The following PTPRM variants were observed in gnomAD, a reference collection of about 807,000 sequenced individuals.
PTPRM encodes protein tyrosine phosphatase receptor type M, also known as receptor-type tyrosine-protein phosphatase mu.
PTPRM carries 47 observed loss-of-function variants against 186.7 expected under a neutral mutation model. That is an observed-to-expected ratio of 0.25 (90% CI 0.20 to 0.32). The LOEUF (loss-of-function observed/expected upper bound fraction) is 0.32, where lower values mean the gene tolerates loss of function less well. Ranked by LOEUF, PTPRM falls within the 10% of genes least tolerant of loss-of-function variation. The pLI, the probability that PTPRM is intolerant of heterozygous loss-of-function variation, is 1.00. For missense variants in PTPRM, 1,494 were observed against 1,865.0 expected, an observed-to-expected ratio of 0.80 and a Z score of 3.66; for synonymous variants, 668 against 674.9, an observed-to-expected ratio of 0.99 and a Z score of 0.16.
chr18:8,256,011 C>T (rs1285757603), intron 19 of PTPRM, among the ~76,000 whole-genome samples: 1 of 152,216 alleles, frequency 6.6e-6, no homozygotes, highest in African/African-American at 2.4e-5. Context: ...CCCACTTTCT[C>T]TAACCCCAGG....
At chr18:8,344,434 G>T (rs1412434334) in intron 23 of PTPRM, among the ~76,000 whole-genome samples, 8 of 81,182 alleles carry the variant, frequency 9.9e-5, no homozygotes, top group Non-Finnish European at 1.8e-4. Context: ...ATATATATGT[G>T]TGTGTGTGTG....
At chr18:8,247,799 GTAT>G (rs760860097) in intron 15 of PTPRM, 43 bp from the exon 16 acceptor site, 2 of 1,405,828 alleles carry the variant, frequency 1.4e-6, no homozygotes, top group South Asian at 1.2e-5. Context: ...TGTTCAGAGT[GTAT>G]TACCTCTCTG....
At chr18:8,094,778 G>A (rs752345264) in intron 11 of PTPRM, among the ~76,000 whole-genome samples, 11 of 152,076 alleles carry the variant, frequency 7.2e-5, no homozygotes, top group Admixed American at 1.3e-4. Context: ...TTTGGCAAAT[G>A]TTAAGGAGGA....
chr18:8,099,159 T>TCTC (rs879773463), intron 11 of PTPRM, among the ~76,000 whole-genome samples: 45 of 149,564 alleles, frequency 3.0e-4, no homozygotes, highest in African/African-American at 6.4e-4. Flanking sequence ...CTCTCTCTCT[T>TCTC]TCTCTCTCTC....
chr18:7,843,842 G>T (rs1004917000), intron 2 of PTPRM, among the ~76,000 whole-genome samples: 1 of 152,180 alleles, frequency 6.6e-6, no homozygotes, highest in Non-Finnish European at 1.5e-5. Flanking sequence ...GCTTCAGCTA[G>T]AGGTCTCAAG....
At chr18:7,569,022 A>G (rs918152652) in intron 1 of PTPRM, among the ~76,000 whole-genome samples, 1 of 152,136 alleles carries the variant, frequency 6.6e-6, no homozygotes, top group Non-Finnish European at 1.5e-5. Context: ...TTGGTCTTAA[A>G]CTTGGTTTTT....
intron 5 of PTPRM, among the ~76,000 whole-genome samples, chr18:7,943,554 C>T (rs1222043318): frequency 6.6e-6 from 1 of 152,152 alleles, no homozygotes. Flanking sequence ...GTAACAAATT[C>T]GAACCTCGTG....
intron 7 of PTPRM, among the ~76,000 whole-genome samples, chr18:7,993,819 G>C (rs920983729): frequency 6.6e-6 from 1 of 152,050 alleles, no homozygotes; most frequent in African/African-American, 2.4e-5. Context: ...ATACGTATAT[G>C]AGAAACCGAA....
At chr18:8,400,506 AG>A (rs2095866465) in intron 32 of PTPRM, among the ~76,000 whole-genome samples, 1 of 152,230 alleles carries the variant, frequency 6.6e-6, no homozygotes, top group Non-Finnish European at 1.5e-5. Context: ...CCCGCCAGGT[AG>A]GATAGACGTG....
chr18:7,708,098 A>T (rs1176048926), intron 1 of PTPRM, among the ~76,000 whole-genome samples: 1 of 152,184 alleles, frequency 6.6e-6, no homozygotes, highest in South Asian at 2.1e-4. Flanking sequence ...GAAAGCATTC[A>T]GTAAGGTTTT....
At chr18:8,332,616 G>A (rs72918718) in intron 22 of PTPRM, among the ~76,000 whole-genome samples, 3,786 of 152,240 alleles carry the variant, frequency 0.025, 65 homozygotes, top group Middle Eastern at 0.061. Flanking sequence ...TGGATACAGC[G>A]GAAAGTGTAT....
intron 22 of PTPRM, among the ~76,000 whole-genome samples, chr18:8,327,446 G>C (rs1460116122): frequency 2.0e-5 from 3 of 152,234 alleles, no homozygotes; most frequent in East Asian, 3.8e-4. Flanking sequence ...ATCTGAAGAA[G>C]GGGTCGGAGA....
At chr18:8,307,340 C>T (rs58616638) in intron 20 of PTPRM, among the ~76,000 whole-genome samples, 1,576 of 152,290 alleles carry the variant, frequency 0.01, 34 homozygotes, top group African/African-American at 0.036. Context: ...ACACATGTCC[C>T]GCGTTCTCCA....
intron 3 of PTPRM, among the ~76,000 whole-genome samples, chr18:7,897,167 C>T (rs901175247): frequency 4.6e-5 from 7 of 152,148 alleles, no homozygotes; most frequent in Non-Finnish European, 2.9e-5. Flanking sequence ...CAGGCCATTT[C>T]GGAGGCTAGG....
intron 2 of PTPRM, among the ~76,000 whole-genome samples, chr18:7,824,624 T>C (rs1360138939): frequency 2.0e-5 from 3 of 152,240 alleles, no homozygotes; most frequent in Admixed American, 2.0e-4. Flanking sequence ...GCAAGGTACA[T>C]TTTTAATATA....
chr18:8,292,550 A>G (rs1054116476), intron 19 of PTPRM, among the ~76,000 whole-genome samples: 2 of 152,216 alleles, frequency 1.3e-5, no homozygotes, highest in African/African-American at 4.8e-5. Context: ...AGACAGTGAC[A>G]TTTATCTATG....
At chr18:8,107,196 G>A (rs940375935) in intron 11 of PTPRM, among the ~76,000 whole-genome samples, 2 of 152,118 alleles carry the variant, frequency 1.3e-5, no homozygotes, top group Admixed American at 1.3e-4. Context: ...ATATGAAATA[G>A]GAAATGCAAA....
chr18:8,347,241 A>G (rs1451997368), intron 23 of PTPRM, among the ~76,000 whole-genome samples: 2 of 152,242 alleles, frequency 1.3e-5, no homozygotes, highest in Non-Finnish European at 2.9e-5. Flanking sequence ...TGAAAAGTAG[A>G]TAATTGCTAA....
At chr18:8,184,640 G>T (rs570765728) in intron 14 of PTPRM, among the ~76,000 whole-genome samples, 1 of 152,290 alleles carries the variant, frequency 6.6e-6, no homozygotes, top group African/African-American at 2.4e-5. Context: ...AAGACAATTT[G>T]CCCTAATCTA....
Sources: gnomAD v4.1 joint callset for allele counts (sites outside exome capture counted in the v4.1 genomes callset) on GRCh38, gnomAD v4.1.1 for gene constraint, MANE v1.5 for transcripts, NCBI Gene and HGNC (gene_info 2026-07-23, HGNC 2026-07-21) for gene names.